The following PDE1C variants were observed in gnomAD, a reference collection of about 807,000 sequenced individuals.
PDE1C encodes dual specificity calcium/calmodulin-dependent 3',5'-cyclic nucleotide phosphodiesterase 1C.
PDE1C carries 62 observed loss-of-function variants against 93.1 expected under a neutral mutation model. That is an observed-to-expected ratio of 0.67 (90% confidence interval 0.54 to 0.82). The LOEUF (loss-of-function observed/expected upper bound fraction) is 0.82, where lower values mean the gene tolerates loss of function less well. Among genes scored for constraint, PDE1C ranks in the 40% least tolerant of loss-of-function variants. The probability of loss-of-function intolerance (pLI) is 0.00; values close to 1 mark genes in which losing one functional copy is unlikely to be tolerated. For missense variants in PDE1C, 742 were observed against 884.6 expected, an observed-to-expected ratio of 0.84 and a Z score of 2.04; for synonymous variants, 325 against 310.1, an observed-to-expected ratio of 1.05 and a Z score of -0.50.
intron 1 of PDE1C, among the ~76,000 whole-genome samples, chr7:32,404,441 C>T (rs191228367): frequency 0.015 from 2,236 of 152,220 alleles, 25 homozygotes; most frequent in Non-Finnish European, 0.022. Flanking sequence ...ACAGCCTCAG[C>T]CTCCTAGGCT....
chr7:31,753,545 G>T lies in PDE1C; in HGVS notation c.1969C>A (p.Pro657Thr), dbSNP rs1399041503. The T allele has an allele frequency of 1.9e-6, 3 of 1,608,986 alleles. No individual in the cohort carries two copies. Among genetic ancestry groups the T allele is most frequent in the Non-Finnish European group, 2.5e-6 (3 of 1,178,170 alleles). ...TCRLTLPVIK[P>T]PLRHFKRPAY... ...GGGCGTTTAAAATGACGCAAAGGAGGCTTGATGACTGGCGGCCATGGAAAG... is the reference window on the plus strand; with the variant it reads ...GGGCGTTTAAAATGACGCAAAGGAGTCTTGATGACTGGCGGCCATGGAAAG... Residue 657 changes from proline (P) to threonine (T), a missense_variant, in exon 18 of 18, where the codon CCT (proline) becomes ACT (threonine). By Grantham distance (38) the Pro-to-Thr change is conservative. Transcript: ENST00000396191.
rs539518001 is a variant in PDE1C, at chr7:32,085,320, G to A, written c.308+84465C>T. Among the ~76,000 whole-genome samples the A allele has an allele frequency of 5.0e-5, 6 of 119,472 alleles. 2 individuals carry two copies. Among genetic ancestry groups the A allele is most frequent in the Non-Finnish European group, 1.0e-4 (6 of 57,430 alleles). 78.4% of individuals were successfully genotyped at this position (119,472 alleles called of 152,430 possible). A position where few individuals can be genotyped will look rare whatever the true frequency, so the allele number is the denominator to read the frequency against. ...TAAACAAAGAAGAATTTGAATCTCT[G>A]AATAGACCAATAACAGGCTCTGAAA... On this transcript the variant is annotated intron_variant, in intron 3 of 18. Transcript: ENST00000396193.
intron 2 of PDE1C, among the ~76,000 whole-genome samples, chr7:31,976,393 T>A (rs1811672796): frequency 6.6e-6 from 1 of 152,222 alleles, no homozygotes; most frequent in South Asian, 2.1e-4. Context: ...ATTGTGTTCT[T>A]AATTTCAGAA....
At chr7:32,076,017 C>CA (rs1366179850), upstream of PDE1C, among the ~76,000 whole-genome samples, 1 of 152,162 alleles carries the variant, frequency 6.6e-6, no homozygotes, top group Non-Finnish European at 1.5e-5. Flanking sequence ...TCAACAGAGG[C>CA]ATGGTTAGTC....
the PDE1C span, chr7:31,652,749 T>C: frequency 4.3e-6 from 7 of 1,613,960 alleles, no homozygotes; most frequent in South Asian, 7.7e-5. Flanking sequence ...GTCTCCTTCA[T>C]CATCAGCTTG....
intron 16 of PDE1C, chr7:31,808,231 T>C (rs377022510): frequency 3.5e-5 from 16 of 461,658 alleles, no homozygotes; most frequent in Non-Finnish European, 5.9e-5. Context: ...ATATGATGTC[T>C]CCAGGGAGGT....
At chr7:32,248,048 C>A (rs1185678915) in intron 1 of PDE1C, among the ~76,000 whole-genome samples, 1 of 152,112 alleles carries the variant, frequency 6.6e-6, no homozygotes, top group African/African-American at 2.4e-5. Context: ...ACTATGTGGG[C>A]AGGAGCACAG....
rs144448503 is a variant in PDE1C at position 32,026,390 on chromosome 7, A to G, written c.128+25164T>C. On this transcript the variant is annotated intron_variant, in intron 2 of 17. Coordinates refer to ENST00000396191, the MANE Select transcript of PDE1C (RefSeq NM_001191057.4). ...AGAAGACATTCACTGTCGATCTCAG[A>G]ACATCAAGAACATACCTCGGTCCAT... is the stretch of plus-strand genomic sequence containing the variant. Among the ~76,000 whole-genome samples the G allele has an allele frequency of 2.3e-4, 35 of 152,272 alleles. No individual in the cohort carries two copies. The East Asian group carries it at 6.6e-3, about 29-fold the overall frequency.
intron 1 of PDE1C, among the ~76,000 whole-genome samples, chr7:32,361,526 C>T (rs141902964): frequency 1.1e-3 from 165 of 152,302 alleles, no homozygotes; most frequent in East Asian, 5.0e-3. Flanking sequence ...CCACGCCCTG[C>T]GCACACTGCC....
At chr7:32,317,042 C>G (rs115350537) in intron 1 of PDE1C, among the ~76,000 whole-genome samples, 2,260 of 152,290 alleles carry the variant, frequency 0.015, 80 homozygotes, top group African/African-American at 0.052. Context: ...GCGCTCCACA[C>G]ACGCCTGAGG....
chr7:31,983,813 TA>T (rs1783012177), intron 2 of PDE1C, among the ~76,000 whole-genome samples: 1 of 152,026 alleles, frequency 6.6e-6, no homozygotes, highest in African/African-American at 2.4e-5. Flanking sequence ...TAAAACCAAC[TA>T]AAAAAGTATT....
chr7:32,347,975 T>C (rs1482588411), intron 1 of PDE1C, among the ~76,000 whole-genome samples: 1 of 152,150 alleles, frequency 6.6e-6, no homozygotes, highest in Non-Finnish European at 1.5e-5. Context: ...AGAAAAACCG[T>C]ACATTTAACC....
upstream of PDE1C, among the ~76,000 whole-genome samples, chr7:32,076,430 C>T (rs1796358584): frequency 6.6e-6 from 1 of 151,926 alleles, no homozygotes; most frequent in African/African-American, 2.4e-5. Flanking sequence ...CACCTGAGGT[C>T]AGGAGTTCAA....
At chr7:31,893,476 C>T in intron 2 of PDE1C, 1 of 984,662 alleles carries the variant, frequency 1.0e-6, no homozygotes, top group Non-Finnish European at 1.2e-6. Flanking sequence ...GGAAGACTTA[C>T]TTATGCAGTC....
Position 31,923,184 on chromosome 7 carries a change from A to G in PDE1C, c.129-42324T>C, listed in dbSNP as rs571354777. Among the ~76,000 whole-genome samples the G allele has an allele frequency of 4.6e-5, 7 of 152,294 alleles. No individual in the cohort carries two copies. The East Asian group carries it at 1.4e-3, about 29-fold the overall frequency. ...TGAGGGCTCCAGAATCAATCATTCC[A>G]ATGGCAGATACTCTAAACTGCTCTT... On this transcript the variant is annotated intron_variant, in intron 2 of 17. Transcript: ENST00000396191.
chr7:31,733,439 T>C, the PDE1C span, among the ~76,000 whole-genome samples: 1 of 152,172 alleles, frequency 6.6e-6, no homozygotes, highest in Non-Finnish European at 1.5e-5. Context: ...ATTTATCTCA[T>C]AGGCAGAGAA....
At chr7:31,899,939 TA>T (rs1361124675) in intron 2 of PDE1C, among the ~76,000 whole-genome samples, 1 of 152,164 alleles carries the variant, frequency 6.6e-6, no homozygotes, top group African/African-American at 2.4e-5. Context: ...ATCTAATAGG[TA>T]TGCAGGGATG....
At chr7:31,633,088 T>C in the PDE1C span, among the ~76,000 whole-genome samples, 1 of 152,004 alleles carries the variant, frequency 6.6e-6, no homozygotes, top group Non-Finnish European at 1.5e-5. Context: ...GGTTTCACCA[T>C]GTTGGCCAGG....
At chr7:31,810,765 G>A (rs1040678431) in intron 15 of PDE1C, among the ~76,000 whole-genome samples, 2 of 152,062 alleles carry the variant, frequency 1.3e-5, no homozygotes, top group Non-Finnish European at 2.9e-5. Flanking sequence ...CTCAACTATA[G>A]TATTTGCAAC....
Sources: allele counts gnomAD v4.1 joint callset (sites outside exome capture counted in the v4.1 genomes callset), GRCh38; gene constraint gnomAD v4.1.1; transcripts MANE v1.5; gene names NCBI Gene and HGNC (gene_info 2026-07-23, HGNC 2026-07-21).